AFF3: variants seen among roughly 807,000 people sequenced by gnomAD.
The protein encoded by AFF3 is ALF transcription elongation factor 3.
A neutral mutation model predicts 129.7 loss-of-function variants in AFF3; 32 were observed. The observed-to-expected ratio is 0.25, with a 90% CI of 0.19 to 0.33. The LOEUF (loss-of-function observed/expected upper bound fraction) is 0.33. Ranked by LOEUF, AFF3 falls within the 10% of genes least tolerant of loss-of-function variation. AFF3 has a pLI of 1.00. For synonymous variants in AFF3, 644 were observed against 635.4 expected (o/e 1.01, Z -0.20); for missense variants, 1,373 against 1,592.0 (o/e 0.86, Z 2.34).
At chr2:99,828,119 A>G (rs1688231953) in intron 8 of AFF3, among the ~76,000 whole-genome samples, 1 of 152,196 alleles carries the variant, frequency 6.6e-6, no homozygotes, top group Non-Finnish European at 1.5e-5. Flanking sequence ...CATACCATGT[A>G]CAAACAGACA....
intron 7 of AFF3, among the ~76,000 whole-genome samples, chr2:99,897,540 C>T (rs1694063491): frequency 6.6e-6 from 1 of 152,130 alleles, no homozygotes; most frequent in Non-Finnish European, 1.5e-5. Flanking sequence ...GGTCATCTCT[C>T]CTCACACTGA....
At chr2:99,839,140 G>A (rs1689118092) in intron 7 of AFF3, among the ~76,000 whole-genome samples, 2 of 151,810 alleles carry the variant, frequency 1.3e-5, no homozygotes, top group African/African-American at 2.4e-5. Context: ...ACCGAGTTTC[G>A]CTCTTGTTGC....
intron 11 of AFF3, among the ~76,000 whole-genome samples, chr2:99,719,730 T>C (rs1678716751): frequency 6.6e-6 from 1 of 152,224 alleles, no homozygotes; most frequent in Non-Finnish European, 1.5e-5. Context: ...TTCTGTCTTC[T>C]GGCTTCAACC....
intron 4 of AFF3, among the ~76,000 whole-genome samples, chr2:100,031,292 T>C (rs1263560809): frequency 6.6e-6 from 1 of 152,192 alleles, no homozygotes; most frequent in Non-Finnish European, 1.5e-5. Flanking sequence ...GATTTCTCAA[T>C]GTTGAAGTGG....
At chr2:99,788,671 A>G (rs1411098402) in intron 8 of AFF3, among the ~76,000 whole-genome samples, 1 of 152,206 alleles carries the variant, frequency 6.6e-6, no homozygotes, top group Non-Finnish European at 1.5e-5. Flanking sequence ...GAAGTTTTTT[A>G]AAAATAAATT....
At chr2:99,749,987 GA>G (rs1681495666) in intron 9 of AFF3, among the ~76,000 whole-genome samples, 1 of 152,044 alleles carries the variant, frequency 6.6e-6, no homozygotes, top group Admixed American at 6.6e-5. Context: ...TTGAAAAGAA[GA>G]AAACAAGAAT....
At chr2:99,774,319 T>A (rs1683722673) in intron 8 of AFF3, among the ~76,000 whole-genome samples, 1 of 152,130 alleles carries the variant, frequency 6.6e-6, no homozygotes. Flanking sequence ...GCTGGAGGCA[T>A]CACACTGCCC....
chr2:99,876,717 T>C (rs942686808), intron 7 of AFF3, among the ~76,000 whole-genome samples: 1 of 152,128 alleles, frequency 6.6e-6, no homozygotes, highest in Non-Finnish European at 1.5e-5. Context: ...TCCTATACGA[T>C]CTAGTGCCTC....
intron 24 of AFF3, among the ~76,000 whole-genome samples, chr2:99,553,617 A>G (rs907744163): frequency 6.6e-6 from 1 of 152,168 alleles, no homozygotes; most frequent in Admixed American, 6.6e-5. Context: ...CTCCTAAGAA[A>G]ATAATCAGAA....
At chr2:100,076,529 C>T (rs972439560) in intron 4 of AFF3, among the ~76,000 whole-genome samples, 4 of 152,156 alleles carry the variant, frequency 2.6e-5, no homozygotes, top group African/African-American at 9.7e-5. Context: ...GGTCTCAAAA[C>T]ACCTATGGCT....
At chr2:99,791,160 A>G (rs959647026) in intron 8 of AFF3, among the ~76,000 whole-genome samples, 5 of 152,176 alleles carry the variant, frequency 3.3e-5, no homozygotes, top group African/African-American at 9.7e-5. Context: ...ATAGGAGAGT[A>G]AGGGTTGAGG....
chr2:100,090,427 T>C (rs571312051), intron 4 of AFF3, among the ~76,000 whole-genome samples: 16 of 152,314 alleles, frequency 1.1e-4, no homozygotes, highest in Non-Finnish European at 2.4e-4. Flanking sequence ...CAAGAAATTA[T>C]ATAGGCAGTG....
intron 14 of AFF3, among the ~76,000 whole-genome samples, chr2:99,600,996 C>A (rs1396789231): frequency 6.6e-6 from 1 of 152,154 alleles, no homozygotes; most frequent in Non-Finnish European, 1.5e-5. Flanking sequence ...CCGTGACAAA[C>A]CGCAAAAAGG....
At chr2:99,981,764 T>A (rs1187364865) in intron 7 of AFF3, among the ~76,000 whole-genome samples, 2 of 152,230 alleles carry the variant, frequency 1.3e-5, no homozygotes, top group Non-Finnish European at 2.9e-5. Context: ...CTGTCTGCAA[T>A]GTTTTCCCAA....
chr2:99,607,217 G>A (rs1190964660), intron 13 of AFF3, among the ~76,000 whole-genome samples: 1 of 152,036 alleles, frequency 6.6e-6, no homozygotes, highest in Non-Finnish European at 1.5e-5. Context: ...CCTTGGCTAA[G>A]TCTGAATGCA....
chr2:99,827,643 ATATATATATATATATG>A (rs1366287178), intron 8 of AFF3, among the ~76,000 whole-genome samples: 6 of 147,618 alleles, frequency 4.1e-5, no homozygotes. Context: ...AGCACTGAAG[ATATATATATATATATG>A]TATATATATA....
intron 13 of AFF3, among the ~76,000 whole-genome samples, chr2:99,620,649 C>T (rs1681907307): frequency 6.6e-6 from 1 of 152,134 alleles, no homozygotes; most frequent in South Asian, 2.1e-4. Context: ...CAAAAATCCC[C>T]AAAGACCCTC....
intron 2 of AFF3, among the ~76,000 whole-genome samples, chr2:100,110,584 G>T (rs969284156): frequency 1.3e-5 from 2 of 152,180 alleles, no homozygotes; most frequent in South Asian, 4.1e-4. Flanking sequence ...CATCTTAATG[G>T]GTAAAACATT....
chr2:99,546,518 A>T lies in AFF3; in HGVS notation c.*4956T>A. Reference sequence around the variant, plus strand: ...TGGGAAAAAGACAAAGGATATTTGAATCTAAGGACATGGGCTGGATCAGGT... The same window carrying T: ...TGGGAAAAAGACAAAGGATATTTGATTCTAAGGACATGGGCTGGATCAGGT... On this transcript the variant is annotated 3_prime_UTR_variant, in exon 25 of 25. Transcript: ENST00000672756. The T allele has an allele frequency of 4.3e-6, 1 of 233,004 alleles. No individual in the cohort carries two copies. The highest frequency in any genetic ancestry group is 8.5e-6 in the Non-Finnish European group (1 of 117,884). The allele number at this position is 233,004 out of a possible 1,614,324, so 14.4% of individuals were successfully genotyped here.
Sources: gnomAD v4.1 joint callset for allele counts (sites outside exome capture counted in the v4.1 genomes callset) on GRCh38, gnomAD v4.1.1 for gene constraint, MANE v1.5 for transcripts, NCBI Gene and HGNC (gene_info 2026-07-23, HGNC 2026-07-21) for gene names.